Variants in ERCC8 observed in about 807,000 individuals in gnomAD.
The protein encoded by ERCC8 is DNA excision repair protein ERCC-8.
Under a neutral mutation model 54.9 loss-of-function variants are expected in ERCC8, and 52 were observed. That is an observed-to-expected ratio of 0.95 (90% CI 0.76 to 1.19). The LOEUF (loss-of-function observed/expected upper bound fraction) is 1.19, where lower values mean the gene tolerates loss of function less well. Among genes scored for constraint, ERCC8 ranks in the 50% most tolerant of loss-of-function variants. The probability of loss-of-function intolerance (pLI) is 0.00; values close to 1 mark genes in which losing one functional copy is unlikely to be tolerated. For missense variants in ERCC8, 514 were observed against 466.1 expected (o/e 1.10, Z -0.95); for synonymous variants, 146 against 157.2 (o/e 0.93, Z 0.53).
intron 11 of ERCC8, among the ~76,000 whole-genome samples, chr5:60,881,517 T>G (rs1220589934): frequency 6.6e-6 from 1 of 152,184 alleles, no homozygotes; most frequent in Non-Finnish European, 1.5e-5. Context: ...CCCAGTTTGA[T>G]CTTCCCAGCC....
intron 2 of ERCC8, among the ~76,000 whole-genome samples, chr5:60,926,343 GGT>G (rs749284118): frequency 2.6e-4 from 40 of 152,200 alleles, no homozygotes; most frequent in Middle Eastern, 3.4e-3. Flanking sequence ...TCCTTTAAAT[GGT>G]GTGTGTAATG....
intron 10 of ERCC8, among the ~76,000 whole-genome samples, chr5:60,889,366 G>C (rs1362470071): frequency 6.6e-6 from 1 of 152,192 alleles, no homozygotes; most frequent in East Asian, 1.9e-4. Context: ...ATGTTGGAGT[G>C]CAGTGGTGTG....
In ERCC8 at chr5:60,870,952, G is replaced by A. The variant is rs191111540; in HGVS notation, c.*3663C>T. ...CAGTTTACAAGCTTCCAGCTGTAACGAATGAATTCCCTACAAAGGGAAAAA... is the reference window on the plus strand; with the variant it reads ...CAGTTTACAAGCTTCCAGCTGTAACAAATGAATTCCCTACAAAGGGAAAAA... On this transcript the variant is annotated 3_prime_UTR_variant, in exon 12 of 12. Transcript: ENST00000676185. Among the ~76,000 whole-genome samples the A allele has an allele frequency of 2.6e-5, 4 of 152,052 alleles. No homozygotes were observed. The highest frequency in any genetic ancestry group is 2.9e-5 in the Non-Finnish European group (2 of 67,970).
rs551482787 is a variant in ERCC8, at chr5:60,872,761, T to C, written c.*1854A>G. Among the ~76,000 whole-genome samples, 1 of 152,340 alleles carries C rather than the reference T, an allele frequency of 6.6e-6. No homozygotes were observed. Among genetic ancestry groups the C allele is most frequent in the South Asian group, 2.1e-4 (1 of 4,830 alleles). ...ATTATGGAAGACAGTATGGAGTTTCTGCAAAAAGTTAAAAATAGAACTACA... is the reference window on the plus strand; with the variant it reads ...ATTATGGAAGACAGTATGGAGTTTCCGCAAAAAGTTAAAAATAGAACTACA... On this transcript the variant is annotated 3_prime_UTR_variant, in exon 12 of 12. Transcript: ENST00000676185.
intron 11 of ERCC8, among the ~76,000 whole-genome samples, chr5:60,880,050 G>A (rs1748157879): frequency 6.6e-6 from 1 of 152,236 alleles, no homozygotes; most frequent in African/African-American, 2.4e-5. Context: ...AGCTCTTTTA[G>A]GGCAGGCCTG....
At chr5:60,903,584 T>C (rs767821376) in intron 6 of ERCC8, 64 bp downstream of exon 6, 19 of 1,604,442 alleles carry the variant, frequency 1.2e-5, no homozygotes, top group Non-Finnish European at 2.6e-6. Flanking sequence ...ACACTGTTAG[T>C]AACGTTTCTT....
intron 4 of ERCC8, among the ~76,000 whole-genome samples, chr5:60,905,907 A>C (rs1049910262): frequency 6.6e-6 from 1 of 151,982 alleles, no homozygotes; most frequent in Non-Finnish European, 1.5e-5. Flanking sequence ...GATGCTTGCT[A>C]TTGATTGGTT....
rs747885140 is a variant in ERCC8 at position 60,874,685 on chromosome 5, TAA to T, written c.1123-4_1123-3del. ...ATTTAATTGTGATTTTGTTGTAGTC[TAA>T]AAAAAAAAAAGATAAAGAAAAAGGA... On this transcript the variant is annotated splice_polypyrimidine_tract_variant and splice_region_variant and intron_variant, in intron 11 of 11. Transcript: ENST00000676185. 5.3e-4 allele frequency: 702 copies of T among 1,314,212 alleles called. No homozygotes were observed. Among genetic ancestry groups the T allele is most frequent in the Admixed American group, 1.4e-3 (65 of 47,398 alleles). The allele number at this position is 1,314,212 out of a possible 1,614,324, so 81.4% of individuals were successfully genotyped here.
intron 1 of ERCC8, among the ~76,000 whole-genome samples, chr5:60,936,850 T>C (rs1051816556): frequency 1.3e-5 from 2 of 152,234 alleles, no homozygotes; most frequent in Non-Finnish European, 2.9e-5. Context: ...TTAAACAACC[T>C]TGTTTTATCA....
intron 11 of ERCC8, among the ~76,000 whole-genome samples, chr5:60,880,721 C>T (rs35617853): frequency 0.13 from 19,830 of 152,120 alleles, 1,636 homozygotes; most frequent in African/African-American, 0.23. Context: ...TCCATCAGGT[C>T]GTTAAAGGAC....
intron 3 of ERCC8, among the ~76,000 whole-genome samples, chr5:60,920,824 G>A (rs1006489520): frequency 6.6e-6 from 1 of 151,804 alleles, no homozygotes; most frequent in African/African-American, 2.4e-5. Context: ...TATGTAGCAC[G>A]TAGAATAGGT....
rs989007753 is a variant in ERCC8, at chr5:60,871,557, T to C, written c.*3058A>G. On this transcript the variant is annotated 3_prime_UTR_variant, in exon 12 of 12. Coordinates refer to ENST00000676185, the MANE Select transcript of ERCC8 (RefSeq NM_000082.4). ...CAACAGCTTGTTGAACATCCCATTATGTAAAATTATATGTATCATAAGAGA... is the reference window on the plus strand; with the variant it reads ...CAACAGCTTGTTGAACATCCCATTACGTAAAATTATATGTATCATAAGAGA... 6.6e-6 allele frequency among the ~76,000 whole-genome samples: 1 copy of C among 152,176 alleles called. No individual in the cohort carries two copies. Among genetic ancestry groups the C allele is most frequent in the African/African-American group, 2.4e-5 (1 of 41,448 alleles).
rs747243717 is a variant in ERCC8, at chr5:60,945,025, G to T, written c.-17C>A. On this transcript the variant is annotated 5_prime_UTR_variant, in exon 1 of 12. Coordinates refer to ENST00000676185, the MANE Select transcript of ERCC8 (RefSeq NM_000082.4). ...CCCCAGCATATCGTGTCCTCACACC[G>T]GCTGGAGCACTGGACGTCGCCATGA... 3.1e-6 allele frequency: 5 copies of T among 1,609,502 alleles called. No homozygotes were observed. Among genetic ancestry groups the T allele is most frequent in the African/African-American group, 2.7e-5 (2 of 74,782 alleles).
Position 60,928,976 on chromosome 5 carries a change from G to A in ERCC8, c.78-17C>T. On this transcript the variant is annotated splice_polypyrimidine_tract_variant and intron_variant, in intron 1 of 11. Coordinates refer to ENST00000676185, the MANE Select transcript of ERCC8 (RefSeq NM_000082.4). ...CCCAAAACTCTTAAAAATAAAAGGG[G>A]GAGAAAGAAATTAACAAGTAATTTA... The A allele has an allele frequency of 7.1e-7, 1 of 1,410,502 alleles. No individual in the cohort carries two copies. The highest frequency in any genetic ancestry group is 1.0e-6 in the Non-Finnish European group (1 of 998,734). The allele number at this position is 1,410,502 out of a possible 1,614,324, so 87.4% of individuals were successfully genotyped here.
intron 1 of ERCC8, among the ~76,000 whole-genome samples, chr5:60,941,834 C>A (rs1750266022): frequency 6.6e-6 from 1 of 152,110 alleles, no homozygotes; most frequent in Non-Finnish European, 1.5e-5. Flanking sequence ...AATAAAGAGA[C>A]AGCAACAGAA....
chr5:60,874,808 A>G (rs1454089670), intron 11 of ERCC8, 125 bp from the exon 12 acceptor site: 3 of 767,466 alleles, frequency 3.9e-6, no homozygotes, highest in Non-Finnish European at 4.2e-6. Flanking sequence ...AAGAAAATGT[A>G]TAACTGTTAA....
At chr5:60,876,483 G>C (rs1011737627) in intron 11 of ERCC8, among the ~76,000 whole-genome samples, 1 of 152,148 alleles carries the variant, frequency 6.6e-6, no homozygotes, top group Non-Finnish European at 1.5e-5. Context: ...TGAACTAGTT[G>C]ACAGTCCCAC....
intron 1 of ERCC8, among the ~76,000 whole-genome samples, chr5:60,938,626 T>G (rs1363754953): frequency 6.6e-6 from 1 of 152,344 alleles, no homozygotes; most frequent in Non-Finnish European, 1.5e-5. Flanking sequence ...AGTGCTGGGA[T>G]TACAGGCGTG....
At chr5:60,880,179 T>C (rs1332335571) in intron 11 of ERCC8, among the ~76,000 whole-genome samples, 4 of 152,210 alleles carry the variant, frequency 2.6e-5, no homozygotes, top group Non-Finnish European at 5.9e-5. Context: ...TCTTTAAGAA[T>C]GTTGAATATT....
Sources: allele counts gnomAD v4.1 joint callset (sites outside exome capture counted in the v4.1 genomes callset), GRCh38; gene constraint gnomAD v4.1.1; transcripts MANE v1.5; gene names NCBI Gene and HGNC (gene_info 2026-07-23, HGNC 2026-07-21).